The following LINGO2 variants were observed in gnomAD, a reference collection of about 807,000 sequenced individuals.
LINGO2 encodes the protein leucine rich repeat and Ig domain containing 2, also known as leucine-rich repeat and immunoglobulin-like domain-containing nogo receptor-interacting protein 2.
A neutral mutation model predicts 30.6 loss-of-function variants in LINGO2; 14 were observed. That is an observed-to-expected ratio of 0.46 (90% confidence interval 0.30 to 0.72). The LOEUF (loss-of-function observed/expected upper bound fraction) is 0.72, where lower values mean the gene tolerates loss of function less well. Ranked by LOEUF, LINGO2 falls within the 30% of genes least tolerant of loss-of-function variation. LINGO2 has a pLI of 0.07. For missense variants in LINGO2, 729 were observed against 751.7 expected (o/e 0.97, Z 0.35); for synonymous variants, 317 against 288.5 (o/e 1.10, Z -1.00).
chr9:28,569,577 A>G (rs7038354), intron 1 of LINGO2, among the ~76,000 whole-genome samples: 67,125 of 147,854 alleles, frequency 0.45, 15,320 homozygotes, highest in East Asian at 0.63. Context: ...AAACTTGAAA[A>G]AGTCAAAATC....
At chr9:28,081,115 C>A (rs1159091343) in intron 4 of LINGO2, 2 of 152,134 alleles carry the variant, frequency 1.3e-5, no homozygotes, top group East Asian at 3.9e-4. Context: ...CTGGATAATT[C>A]TTTCTTGTGC....
intron 4 of LINGO2, among the ~76,000 whole-genome samples, chr9:28,287,021 A>T (rs1244560431): frequency 6.6e-6 from 1 of 152,192 alleles, no homozygotes; most frequent in Non-Finnish European, 1.5e-5. Context: ...TCATTCAGTC[A>T]GTTACCAGAC....
chr9:28,223,303 C>T (rs887018510), intron 4 of LINGO2, among the ~76,000 whole-genome samples: 8 of 152,134 alleles, frequency 5.3e-5, no homozygotes, highest in East Asian at 3.9e-4. Context: ...AAGATTCTGC[C>T]GTCTCACATC....
At chr9:28,751,867 T>C in the LINGO2 span, among the ~76,000 whole-genome samples, 2 of 152,114 alleles carry the variant, frequency 1.3e-5, no homozygotes, top group African/African-American at 4.8e-5. Flanking sequence ...CATACACCCA[T>C]GACGATATTC....
At chr9:28,860,371 G>C in the LINGO2 span, among the ~76,000 whole-genome samples, 1 of 151,976 alleles carries the variant, frequency 6.6e-6, no homozygotes, top group African/African-American at 2.4e-5. Context: ...TCACCTATAA[G>C]TTGAAATCCT....
intron 5 of LINGO2, among the ~76,000 whole-genome samples, chr9:27,987,778 C>T (rs1018333228): frequency 6.6e-6 from 1 of 151,866 alleles, no homozygotes; most frequent in African/African-American, 2.4e-5. Context: ...AAATCAAGTA[C>T]CCAGATTCAT....
chr9:28,523,426 A>G (rs1018076535), intron 1 of LINGO2, among the ~76,000 whole-genome samples: 3 of 152,188 alleles, frequency 2.0e-5, no homozygotes, highest in Admixed American at 2.0e-4. Flanking sequence ...CCCCACTTCC[A>G]TGCAATATTG....
At chr9:28,905,525 C>A in the LINGO2 span, among the ~76,000 whole-genome samples, 3 of 151,768 alleles carry the variant, frequency 2.0e-5, no homozygotes, top group African/African-American at 7.3e-5. Flanking sequence ...TAGAAATGGA[C>A]AAATTTTCTT....
chr9:28,574,089 A>T (rs1265243577), intron 1 of LINGO2, among the ~76,000 whole-genome samples: 1 of 152,204 alleles, frequency 6.6e-6, no homozygotes, highest in Non-Finnish European at 1.5e-5. Flanking sequence ...CAAATCAGAC[A>T]TCGAAAGAAT....
At chr9:28,893,057 A>T in the LINGO2 span, among the ~76,000 whole-genome samples, 2 of 151,992 alleles carry the variant, frequency 1.3e-5, no homozygotes, top group Non-Finnish European at 2.9e-5. Flanking sequence ...ATGCTTAAAG[A>T]TCCAAATATT....
the LINGO2 span, among the ~76,000 whole-genome samples, chr9:29,033,073 C>T: frequency 3.3e-5 from 5 of 152,038 alleles, no homozygotes; most frequent in Non-Finnish European, 7.4e-5. Context: ...CTCATCTTGC[C>T]ATTTCAGGCT....
intron 4 of LINGO2, among the ~76,000 whole-genome samples, chr9:28,187,433 T>C (rs569463498): frequency 1.3e-5 from 2 of 149,006 alleles, no homozygotes; most frequent in Non-Finnish European, 3.0e-5. Context: ...GAGGTTGCAG[T>C]GAGCTGAGAT....
At chr9:28,120,015 C>A (rs1010047623) in intron 4 of LINGO2, among the ~76,000 whole-genome samples, 3 of 152,102 alleles carry the variant, frequency 2.0e-5, no homozygotes, top group African/African-American at 7.2e-5. Context: ...AAAAATGCAC[C>A]TTTATTTTGA....
chr9:28,494,504 G>C (rs113777246), intron 1 of LINGO2, among the ~76,000 whole-genome samples: 2,968 of 152,190 alleles, frequency 0.02, 94 homozygotes, highest in East Asian at 0.093. Context: ...TGCTGAGAAT[G>C]ATGGTTTCCA....
the LINGO2 span, among the ~76,000 whole-genome samples, chr9:28,696,325 C>A: frequency 2.0e-5 from 3 of 151,928 alleles, no homozygotes; most frequent in African/African-American, 7.2e-5. Context: ...ACGAGAATGA[C>A]TGCTGCTTGT....
intron 1 of LINGO2, among the ~76,000 whole-genome samples, chr9:28,636,731 A>C (rs1031198297): frequency 2.6e-5 from 4 of 152,198 alleles, no homozygotes; most frequent in African/African-American, 9.6e-5. Context: ...GTGCTTTGTC[A>C]GATGAGTAGA....
At chr9:28,091,374 C>T (rs186645588) in intron 4 of LINGO2, among the ~76,000 whole-genome samples, 29 of 151,882 alleles carry the variant, frequency 1.9e-4, no homozygotes, top group African/African-American at 6.5e-4. Flanking sequence ...GAGATGTAGA[C>T]CAATGGAACA....
In LINGO2 at chr9:28,341,720, C is replaced by T. The variant is rs538336468; in HGVS notation, c.-246+31116G>A. Among the ~76,000 whole-genome samples the T allele has an allele frequency of 1.9e-3, 286 of 152,240 alleles. 2 individuals carry two copies. The highest frequency in any genetic ancestry group is 6.6e-3 in the African/African-American group (274 of 41,552). ...TTTAACCACTGTGAGAACCATATAG[C>T]GTGTGTTTCTAACTTTCACACAGTA... On this transcript the variant is annotated intron_variant, in intron 3 of 5. Coordinates refer to ENST00000379992, the Ensembl canonical transcript of LINGO2.
chr9:28,897,302 C>A, the LINGO2 span, among the ~76,000 whole-genome samples: 4 of 152,132 alleles, frequency 2.6e-5, no homozygotes, highest in Admixed American at 1.3e-4. Flanking sequence ...GAAAGTTCCA[C>A]ATAGGACATG....
Sources: gnomAD v4.1 joint callset for allele counts (sites outside exome capture counted in the v4.1 genomes callset) on GRCh38, gnomAD v4.1.1 for gene constraint, MANE v1.5 for transcripts, NCBI Gene and HGNC (gene_info 2026-07-23, HGNC 2026-07-21) for gene names.